RNGTT: variants seen among roughly 807,000 people sequenced by gnomAD.
The protein encoded by RNGTT is mRNA-capping enzyme.
A neutral mutation model predicts 79.3 loss-of-function variants in RNGTT; 33 were observed. That is an observed-to-expected ratio of 0.42 (90% CI 0.32 to 0.56). The LOEUF is 0.56. Among genes scored for constraint, RNGTT ranks in the 20% least tolerant of loss-of-function variants. RNGTT has a pLI of 0.17. For missense variants in RNGTT, 497 were observed against 739.1 expected (o/e 0.67, Z 3.80); for synonymous variants, 222 against 235.9 (o/e 0.94, Z 0.54).
intron 13 of RNGTT, among the ~76,000 whole-genome samples, chr6:88,768,171 TTTC>T (rs1488593025): frequency 6.6e-6 from 1 of 151,834 alleles, no homozygotes; most frequent in African/African-American, 2.4e-5. Context: ...TTTCTTTTTC[TTTC>T]TTTTTTTTTT....
At chr6:88,778,403 T>C (rs1284772143) in intron 12 of RNGTT, among the ~76,000 whole-genome samples, 3 of 125,736 alleles carry the variant, frequency 2.4e-5, no homozygotes, top group Non-Finnish European at 5.0e-5. Flanking sequence ...GAAAAATACT[T>C]AGGAAGGAAA....
intron 8 of RNGTT, among the ~76,000 whole-genome samples, chr6:88,889,684 A>G (rs952123668): frequency 6.6e-6 from 1 of 152,214 alleles, no homozygotes; most frequent in African/African-American, 2.4e-5. Context: ...ACTGTAATAG[A>G]TGCAAAAAAA....
chr6:88,927,348 GA>G (rs1462495623), intron 4 of RNGTT, among the ~76,000 whole-genome samples: 1 of 151,976 alleles, frequency 6.6e-6, no homozygotes, highest in African/African-American at 2.4e-5. Flanking sequence ...TCAATATGGT[GA>G]AACCCCATCT....
intron 13 of RNGTT, among the ~76,000 whole-genome samples, chr6:88,768,235 A>C (rs1484928847): frequency 6.6e-6 from 1 of 151,274 alleles, no homozygotes; most frequent in Non-Finnish European, 1.5e-5. Flanking sequence ...TCAGCCTCCC[A>C]AGTAGCTGGA....
chr6:88,870,206 T>C (rs1396054915), intron 8 of RNGTT, among the ~76,000 whole-genome samples: 1 of 152,128 alleles, frequency 6.6e-6, no homozygotes, highest in Non-Finnish European at 1.5e-5. Flanking sequence ...TCTGATTTCT[T>C]TACCTAGTTC....
intron 2 of RNGTT, among the ~76,000 whole-genome samples, chr6:88,931,187 T>TAAAA (rs34070183): frequency 2.0e-4 from 20 of 101,930 alleles, no homozygotes; most frequent in African/African-American, 3.4e-4. Context: ...TATAAAGCTG[T>TAAAA]AAAAAAAAAA....
intron 13 of RNGTT, among the ~76,000 whole-genome samples, chr6:88,766,776 T>G (rs1339011183): frequency 6.6e-6 from 1 of 152,118 alleles, no homozygotes; most frequent in Non-Finnish European, 1.5e-5. Flanking sequence ...AAGACTATTA[T>G]TTATATTATA....
At chr6:88,853,919 T>G (rs1308433557) in intron 8 of RNGTT, among the ~76,000 whole-genome samples, 155 bp from the exon 9 acceptor site, 26 of 151,574 alleles carry the variant, frequency 1.7e-4, no homozygotes, top group Admixed American at 1.7e-3. Flanking sequence ...TCACAAATAA[T>G]AATTTTTTTT....
chr6:88,759,964 AGAG>A (rs1778153575), intron 13 of RNGTT, among the ~76,000 whole-genome samples: 1 of 152,222 alleles, frequency 6.6e-6, no homozygotes, highest in African/African-American at 2.4e-5. Flanking sequence ...AAGGTAACTT[AGAG>A]AAATTGCAAT....
At chr6:88,634,712 A>G (rs776196327) in intron 14 of RNGTT, among the ~76,000 whole-genome samples, 1 of 152,124 alleles carries the variant, frequency 6.6e-6, no homozygotes, top group Non-Finnish European at 1.5e-5. Flanking sequence ...AAGTACTACA[A>G]CGAAAGAATC....
At chr6:88,817,418 G>C (rs182462711) in intron 11 of RNGTT, among the ~76,000 whole-genome samples, 1 of 147,930 alleles carries the variant, frequency 6.8e-6, no homozygotes. Flanking sequence ...ATGGTGTGAG[G>C]ACCGCTTGAA....
At chr6:88,810,875 T>C (rs574479504) in intron 11 of RNGTT, among the ~76,000 whole-genome samples, 2 of 152,300 alleles carry the variant, frequency 1.3e-5, no homozygotes, top group Non-Finnish European at 2.9e-5. Flanking sequence ...CTGACTGCCT[T>C]CCAATGCTAG....
intron 4 of RNGTT, among the ~76,000 whole-genome samples, chr6:88,924,898 A>G (rs544415363): frequency 6.6e-6 from 1 of 151,772 alleles, no homozygotes; most frequent in Non-Finnish European, 1.5e-5. Context: ...TAATTTTTTT[A>G]TTTACAGAGA....
chr6:88,902,757 G>A lies in RNGTT; in HGVS notation c.684+1958C>T, dbSNP rs982149142. On this transcript the variant is annotated intron_variant, in intron 6 of 15. Transcript: ENST00000369485. The stretch of plus-strand genomic sequence containing the variant: ...TGTTACCCAGGCTGGGTACAGTGGC[G>A]CAATCTTGGCTCACTGCAACCTCTG... Among the ~76,000 whole-genome samples, 4 of 141,386 alleles carry A rather than the reference G, an allele frequency of 2.8e-5. No individual in the cohort carries two copies. In the East Asian group the frequency reaches 6.3e-4, roughly 22 times the overall value. 92.8% of individuals were successfully genotyped at this position (141,386 alleles called of 152,430 possible).
chr6:88,713,974 G>T (rs1776411125), intron 13 of RNGTT, among the ~76,000 whole-genome samples: 1 of 152,140 alleles, frequency 6.6e-6, no homozygotes. Flanking sequence ...ACAGGATGGT[G>T]GTTAAAGAAA....
chr6:88,865,410 C>G (rs548032927), intron 8 of RNGTT, among the ~76,000 whole-genome samples: 1 of 152,112 alleles, frequency 6.6e-6, no homozygotes, highest in South Asian at 2.1e-4. Flanking sequence ...AAACAGGAAA[C>G]AGGAAGCCAT....
chr6:88,867,139 T>C (rs1200206949), intron 8 of RNGTT, among the ~76,000 whole-genome samples: 1 of 152,112 alleles, frequency 6.6e-6, no homozygotes, highest in Non-Finnish European at 1.5e-5. Flanking sequence ...TGAGAAGCAC[T>C]AGACTAAATA....
intron 8 of RNGTT, among the ~76,000 whole-genome samples, chr6:88,866,801 G>A (rs1327889833): frequency 6.6e-6 from 1 of 152,116 alleles, no homozygotes; most frequent in African/African-American, 2.4e-5. Context: ...ATCTATTTAG[G>A]GGAAGAGGAA....
intron 13 of RNGTT, among the ~76,000 whole-genome samples, chr6:88,743,364 G>C (rs1237728269): frequency 6.6e-6 from 1 of 151,978 alleles, no homozygotes. Flanking sequence ...ACTTTTAAGT[G>C]AACAGTTCGG....
Sources: allele counts gnomAD v4.1 joint callset (sites outside exome capture counted in the v4.1 genomes callset), GRCh38; gene constraint gnomAD v4.1.1; transcripts MANE v1.5; gene names NCBI Gene and HGNC (gene_info 2026-07-23, HGNC 2026-07-21).